Variants in NEK10 observed in about 807,000 individuals in gnomAD.
The protein encoded by NEK10 is serine/threonine-protein kinase Nek10.
Under a neutral mutation model 159.8 loss-of-function variants are expected in NEK10, and 122 were observed. The observed-to-expected ratio is 0.76, with a 90% CI of 0.66 to 0.89. The LOEUF (loss-of-function observed/expected upper bound fraction) is 0.89, where lower values mean the gene tolerates loss of function less well. Ranked by LOEUF, NEK10 falls within the 40% of genes least tolerant of loss-of-function variation. The pLI is 0.00. For missense variants in NEK10, 1,342 were observed against 1,323.1 expected (o/e 1.01, Z -0.22); for synonymous variants, 466 against 457.1 (o/e 1.02, Z -0.25).
chr3:27,235,890 A>G (rs1309842578), intron 23 of NEK10, among the ~76,000 whole-genome samples: 2 of 152,102 alleles, frequency 1.3e-5, no homozygotes, highest in Non-Finnish European at 2.9e-5. Context: ...TAAATGCTCA[A>G]AAATGATAGA....
intron 13 of NEK10, 44 bp downstream of exon 13, chr3:27,301,649 ATAC>A (rs1657074875): frequency 7.3e-7 from 1 of 1,377,254 alleles, no homozygotes; most frequent in South Asian, 1.2e-5. Flanking sequence ...GTGAATAATA[ATAC>A]AACACAATAA....
At chr3:27,327,036 A>G (rs538489211) in intron 5 of NEK10, among the ~76,000 whole-genome samples, 3 of 152,330 alleles carry the variant, frequency 2.0e-5, no homozygotes, top group African/African-American at 7.2e-5. Context: ...TAATAGTGAC[A>G]GATTGTAAAG....
intron 1 of NEK10, chr3:27,367,527 T>C (rs1244740730): frequency 6.6e-6 from 1 of 152,244 alleles, no homozygotes; most frequent in Non-Finnish European, 1.5e-5. Flanking sequence ...ATTTACCTTT[T>C]ATAAGCAAAA....
chr3:27,309,155 T>TTTTGCTTAG, intron 9 of NEK10, 150 bp from the exon 10 acceptor site: 1 of 512,288 alleles, frequency 2.0e-6, no homozygotes, highest in Non-Finnish European at 3.6e-6. Flanking sequence ...TTTTTTTTTT[T>TTTTGCTTAG]TGCTTAGTAG....
intron 29 of NEK10, among the ~76,000 whole-genome samples, chr3:27,164,364 C>T (rs765472061): frequency 5.9e-5 from 9 of 152,124 alleles, no homozygotes; most frequent in Non-Finnish European, 1.3e-4. Flanking sequence ...ATAACTTTGC[C>T]CCTTACCCTT....
At chr3:27,354,652 T>C (rs2048205182) in intron 1 of NEK10, among the ~76,000 whole-genome samples, 1 of 152,066 alleles carries the variant, frequency 6.6e-6, no homozygotes, top group Non-Finnish European at 1.5e-5. Flanking sequence ...TAATACAAAA[T>C]GGGAGATGGG....
At chr3:27,330,182 C>T (rs1479196959) in intron 5 of NEK10, among the ~76,000 whole-genome samples, 1 of 151,838 alleles carries the variant, frequency 6.6e-6, no homozygotes, top group Non-Finnish European at 1.5e-5. Context: ...ACACATTTAC[C>T]TAAAATACCC....
rs943866862 is a variant in NEK10, at chr3:27,195,689, A to G, written c.2292-3447T>C. On this transcript the variant is annotated intron_variant, in intron 25 of 35. Coordinates refer to ENST00000691995, the MANE Select transcript of NEK10 (RefSeq NM_001394966.1). The stretch of plus-strand genomic sequence containing the variant: ...ACTGGTCTGCGAAATGCTGCTTACT[A>G]TTTGAGAGTTAATGAATGTTCCAGG... Among the ~76,000 whole-genome samples, 3 of 152,194 alleles carry G rather than the reference A, an allele frequency of 2.0e-5. No individual in the cohort carries two copies. In the East Asian group the frequency reaches 5.8e-4, roughly 29 times the overall value.
intron 23 of NEK10, among the ~76,000 whole-genome samples, chr3:27,230,551 G>T (rs191463677): frequency 6.6e-6 from 1 of 152,114 alleles, no homozygotes; most frequent in Admixed American, 6.5e-5. Flanking sequence ...TGGCCTAGAT[G>T]CTCCACTTAA....
At chr3:27,226,814 T>C (rs1431240024) in intron 23 of NEK10, among the ~76,000 whole-genome samples, 2 of 152,220 alleles carry the variant, frequency 1.3e-5, no homozygotes, top group East Asian at 1.9e-4. Flanking sequence ...CTATCAACTA[T>C]ATCCTTATCA....
chr3:27,166,374 T>C (rs1946474366), intron 29 of NEK10, among the ~76,000 whole-genome samples: 1 of 152,034 alleles, frequency 6.6e-6, no homozygotes, highest in Non-Finnish European at 1.5e-5. Flanking sequence ...GGTCTTACTA[T>C]GTGTTTTTTT....
chr3:27,363,933 C>T (rs562493174), intron 1 of NEK10: 2 of 152,140 alleles, frequency 1.3e-5, no homozygotes, highest in South Asian at 4.2e-4. Flanking sequence ...CACTGGAGTT[C>T]TCTGATTATT....
chr3:27,230,077 C>T (rs561997981), intron 23 of NEK10, among the ~76,000 whole-genome samples: 1 of 152,048 alleles, frequency 6.6e-6, no homozygotes, highest in Admixed American at 6.6e-5. Flanking sequence ...ATCAGGCAAA[C>T]CAAAATCAGC....
intron 26 of NEK10, among the ~76,000 whole-genome samples, chr3:27,189,630 G>A (rs541002403): frequency 6.6e-6 from 1 of 151,368 alleles, no homozygotes; most frequent in Admixed American, 6.6e-5. Flanking sequence ...TGGTGTAGAT[G>A]TAAGTTTTTA....
rs1385816706 is a variant in NEK10, at chr3:27,172,312, T to G, written c.2777-439A>C. 5.8e-5 allele frequency among the ~76,000 whole-genome samples: 7 copies of G among 119,912 alleles called. No individual in the cohort carries two copies. In the South Asian group the frequency reaches 7.5e-4, roughly 13 times the overall value. The allele number at this position is 119,912 out of a possible 152,430, so 78.7% of individuals were successfully genotyped here. On this transcript the variant is annotated intron_variant, in intron 28 of 35. Transcript: ENST00000691995. Reference sequence around the variant, plus strand: ...ATCGTGCCACTGCACTCCAGCCTGGTGACAGAGCGAGACCCCGTCTCAAAA... The same window carrying G: ...ATCGTGCCACTGCACTCCAGCCTGGGGACAGAGCGAGACCCCGTCTCAAAA...
At chr3:27,120,271 G>A (rs1941097482) in intron 32 of NEK10, among the ~76,000 whole-genome samples, 1 of 151,556 alleles carries the variant, frequency 6.6e-6, no homozygotes, top group African/African-American at 2.4e-5. Context: ...TCATGTATCT[G>A]CTTTGAATAA....
At chr3:27,360,464 T>C (rs1157748414) in intron 1 of NEK10, among the ~76,000 whole-genome samples, 1 of 152,168 alleles carries the variant, frequency 6.6e-6, no homozygotes, top group Non-Finnish European at 1.5e-5. Flanking sequence ...TCCCTTCTAC[T>C]AGAGGAGGAA....
chr3:27,284,817 A>C, intron 21 of NEK10, 23 bp downstream of exon 21: 5 of 1,567,052 alleles, frequency 3.2e-6, no homozygotes, highest in Non-Finnish European at 4.4e-6. Flanking sequence ...TTTAAGAAAA[A>C]TTTAATGAAG....
chr3:27,302,423 C>T (rs999909057), intron 12 of NEK10, among the ~76,000 whole-genome samples: 3 of 151,912 alleles, frequency 2.0e-5, no homozygotes, highest in East Asian at 1.9e-4. Flanking sequence ...AGCAATTTAT[C>T]GGTTCTGTAG....
Sources: allele counts gnomAD v4.1 joint callset (sites outside exome capture counted in the v4.1 genomes callset), GRCh38; gene constraint gnomAD v4.1.1; transcripts MANE v1.5; gene names NCBI Gene and HGNC (gene_info 2026-07-23, HGNC 2026-07-21).